Variants in UVRAG observed in about 807,000 individuals in gnomAD.
The protein encoded by UVRAG is UV radiation resistance-associated gene protein.
UVRAG carries 19 observed loss-of-function variants against 78.0 expected under a neutral mutation model. The ratio of observed to expected loss-of-function variants is 0.24; its 90% confidence interval spans 0.17 to 0.36. UVRAG has a LOEUF of 0.36. UVRAG is among the 10% of genes least tolerant of loss of function. UVRAG has a pLI of 1.00. For synonymous variants in UVRAG, 323 were observed against 324.6 expected (o/e 1.00, Z 0.05); for missense variants, 740 against 853.8 (o/e 0.87, Z 1.66).
chr11:76,029,157 G>C (rs1028881397), intron 12 of UVRAG, among the ~76,000 whole-genome samples: 2 of 152,108 alleles, frequency 1.3e-5, no homozygotes, highest in East Asian at 3.8e-4. Context: ...CAGCACATCT[G>C]TTTACAACAT....
intron 3 of UVRAG, among the ~76,000 whole-genome samples, chr11:75,864,444 G>A (rs1425924549): frequency 6.6e-6 from 1 of 152,234 alleles, no homozygotes; most frequent in African/African-American, 2.4e-5. Flanking sequence ...GCATTGGGCA[G>A]TACAGGAGTC....
intron 6 of UVRAG, among the ~76,000 whole-genome samples, chr11:75,949,782 T>TAC (rs35811055): frequency 0.063 from 9,539 of 150,262 alleles, 433 homozygotes; most frequent in African/African-American, 0.13. Flanking sequence ...CACATATATA[T>TAC]ACACACACAC....
chr11:75,837,500 T>A (rs1038178799), intron 1 of UVRAG: 10 of 152,254 alleles, frequency 6.6e-5, no homozygotes, highest in Admixed American at 6.5e-4. Flanking sequence ...CTGTATTGAG[T>A]TTTTTTGTAC....
At chr11:75,960,036 G>T (rs1387482902) in intron 6 of UVRAG, among the ~76,000 whole-genome samples, 1 of 152,032 alleles carries the variant, frequency 6.6e-6, no homozygotes, top group East Asian at 1.9e-4. Flanking sequence ...CAACACCAAA[G>T]ATCTCTGATC....
chr11:75,936,715 A>AGTTTT (rs1428567295), intron 6 of UVRAG, among the ~76,000 whole-genome samples: 15 of 152,072 alleles, frequency 9.9e-5, no homozygotes, highest in Non-Finnish European at 1.8e-4. Flanking sequence ...TTCTCTAAGG[A>AGTTTT]GTTTTGTTTT....
intron 6 of UVRAG, chr11:75,930,927 T>TTTTCCTTCTTTC (rs1948219161): frequency 8.5e-6 from 1 of 117,404 alleles, no homozygotes; most frequent in Non-Finnish European, 1.8e-5. Flanking sequence ...AGTGTCGGGA[T>TTTTCCTTCTTTC]TTTCTTTCTT....
intron 13 of UVRAG, among the ~76,000 whole-genome samples, chr11:76,092,900 A>G (rs1280434867): frequency 6.6e-6 from 1 of 152,140 alleles, no homozygotes; most frequent in African/African-American, 2.4e-5. Context: ...TTAGACATGA[A>G]GTCCTTGCCC....
In UVRAG at chr11:75,974,013, CAT is replaced by C. The variant is rs557405166; in HGVS notation, c.700-9371_700-9370del. Among the ~76,000 whole-genome samples the C allele has an allele frequency of 3.0e-3, 460 of 152,296 alleles. 2 individuals are homozygous for C. Among genetic ancestry groups the C allele is most frequent in the African/African-American group, 0.01 (436 of 41,556 alleles). On this transcript the variant is annotated intron_variant, in intron 7 of 14. Coordinates refer to ENST00000356136, the MANE Select transcript of UVRAG (RefSeq NM_003369.4). The stretch of plus-strand genomic sequence containing the variant: ...CTATTGTGAATAGTGCCGCAATAAA[CAT>C]ATGTGTGCATGTGTCTTTATAGCAG...
At chr11:75,872,570 G>GGTTTCACCA (rs1355163123) in intron 3 of UVRAG, among the ~76,000 whole-genome samples, 1 of 151,934 alleles carries the variant, frequency 6.6e-6, no homozygotes, top group Non-Finnish European at 1.5e-5. Context: ...GTATTTTTTA[G>GGTTTCACCA]TAGAGGTGGG....
chr11:75,833,744 C>T (rs531161322), intron 1 of UVRAG, among the ~76,000 whole-genome samples: 14 of 152,296 alleles, frequency 9.2e-5, no homozygotes, highest in East Asian at 7.7e-4. Context: ...GTATTCCTTA[C>T]GGGAAACAAA....
At chr11:75,960,447 T>G (rs1395986250) in intron 6 of UVRAG, among the ~76,000 whole-genome samples, 1 of 152,180 alleles carries the variant, frequency 6.6e-6, no homozygotes, top group Non-Finnish European at 1.5e-5. Context: ...GGTATGGAAA[T>G]GTATAAGAAA....
At chr11:75,935,248 G>T (rs1256196529) in intron 6 of UVRAG, among the ~76,000 whole-genome samples, 1 of 152,150 alleles carries the variant, frequency 6.6e-6, no homozygotes. Context: ...AATTAAAAAA[G>T]ATAAGCGTAT....
At chr11:76,066,865 G>A (rs1951198450) in intron 13 of UVRAG, among the ~76,000 whole-genome samples, 1 of 152,078 alleles carries the variant, frequency 6.6e-6, no homozygotes, top group Non-Finnish European at 1.5e-5. Context: ...CCACAATTTG[G>A]CTTTTATTTA....
intron 13 of UVRAG, among the ~76,000 whole-genome samples, chr11:76,088,535 A>G (rs937003094): frequency 1.0e-4 from 15 of 148,986 alleles, no homozygotes; most frequent in Admixed American, 2.0e-4. Flanking sequence ...TTGCATGGCA[A>G]AGTCTTCACA....
At chr11:75,818,316 G>GTAT (rs987828915) in intron 1 of UVRAG, among the ~76,000 whole-genome samples, 6 of 151,484 alleles carry the variant, frequency 4.0e-5, no homozygotes, top group Non-Finnish European at 8.8e-5. Flanking sequence ...GAGTATCTGT[G>GTAT]TATGTCTAAT....
chr11:76,003,288 T>TTTTTTTTTTTTTTTTTTTTG (rs1491521163), intron 8 of UVRAG, among the ~76,000 whole-genome samples: 5 of 62,472 alleles, frequency 8.0e-5, no homozygotes, highest in African/African-American at 3.0e-4. Context: ...TTTTTTTTTT[T>TTTTTTTTTTTTTTTTTTTTG]GGAGACAGAG....
In UVRAG at chr11:76,084,903, G is replaced by A. The variant is rs541800354; in HGVS notation, c.1305+19115G>A. 1.5e-4 allele frequency among the ~76,000 whole-genome samples: 23 copies of A among 151,380 alleles called. No homozygotes were observed. The South Asian group carries it at 4.6e-3, about 30-fold the overall frequency. ...GTGAAACCCCATTTCTACTAAAAATGCCCCCCAAAAATTAGCCAGGCATGG... is the reference window on the plus strand; with the variant it reads ...GTGAAACCCCATTTCTACTAAAAATACCCCCCAAAAATTAGCCAGGCATGG... On this transcript the variant is annotated intron_variant, in intron 13 of 14. Coordinates refer to ENST00000356136, the MANE Select transcript of UVRAG (RefSeq NM_003369.4).
rs562207143 is a variant in UVRAG, at chr11:76,132,674, T to C, written c.1398-8037T>C. Among the ~76,000 whole-genome samples, 4 of 152,200 alleles carry C rather than the reference T, an allele frequency of 2.6e-5. No individual in the cohort carries two copies. In the South Asian group the frequency reaches 8.3e-4, roughly 31 times the overall value. ...CTGTAAGTTTCCACATTTACATCAG[T>C]TCGTGGCAGAATTTATTTCTGCTCA... On this transcript the variant is annotated intron_variant, in intron 14 of 14. Coordinates refer to ENST00000356136, the MANE Select transcript of UVRAG (RefSeq NM_003369.4).
intron 14 of UVRAG, among the ~76,000 whole-genome samples, chr11:76,124,888 A>C (rs1017175748): frequency 3.3e-5 from 5 of 152,242 alleles, no homozygotes; most frequent in African/African-American, 1.2e-4. Flanking sequence ...AGAATAATGA[A>C]AATTTAGAAT....
Sources: allele counts gnomAD v4.1 joint callset (sites outside exome capture counted in the v4.1 genomes callset), GRCh38; gene constraint gnomAD v4.1.1; transcripts MANE v1.5; gene names NCBI Gene and HGNC (gene_info 2026-07-23, HGNC 2026-07-21).